The following AQR variants were observed in gnomAD, a reference collection of about 807,000 sequenced individuals.
AQR encodes the protein aquarius intron-binding spliceosomal factor, also known as RNA helicase aquarius.
In AQR, 61 loss-of-function variants were observed where a neutral mutation model predicts 180.5. The ratio of observed to expected loss-of-function variants is 0.34; its 90% CI spans 0.28 to 0.42. The LOEUF is 0.42. Ranked by LOEUF, AQR falls within the 10% of genes least tolerant of loss-of-function variation. AQR has a pLI of 1.00. For synonymous variants in AQR, 551 were observed against 588.8 expected (o/e 0.94, Z 0.93); for missense variants, 1,281 against 1,798.3 (o/e 0.71, Z 5.20).
At chr15:34,886,921 G>A (rs1453514533) in intron 24 of AQR, among the ~76,000 whole-genome samples, 11 of 151,860 alleles carry the variant, frequency 7.2e-5, no homozygotes, top group Non-Finnish European at 1.3e-4. Flanking sequence ...TTAGGAGATC[G>A]AGACCATCAT....
At chr15:34,903,024 AAG>A (rs1433648122) in intron 19 of AQR, among the ~76,000 whole-genome samples, 8 of 152,114 alleles carry the variant, frequency 5.3e-5, no homozygotes, top group Non-Finnish European at 7.4e-5. Flanking sequence ...ATGAGAAGGG[AAG>A]ATGCTACTTT....
chr15:34,892,280 G>A (rs1893161059), intron 23 of AQR, among the ~76,000 whole-genome samples: 1 of 152,072 alleles, frequency 6.6e-6, no homozygotes, highest in African/African-American at 2.4e-5. Context: ...ATGTAATACA[G>A]GTGTACATTT....
chr15:34,934,485 GA>G (rs1893916794), intron 10 of AQR, 85 bp downstream of exon 10: 2 of 837,064 alleles, frequency 2.4e-6, no homozygotes, highest in Non-Finnish European at 3.4e-6. Context: ...GAAAAGGAAA[GA>G]AAAAAATACT....
chr15:34,895,679 T>TA (rs1356872283), intron 22 of AQR, among the ~76,000 whole-genome samples: 2 of 152,044 alleles, frequency 1.3e-5, no homozygotes, highest in Non-Finnish European at 2.9e-5. Context: ...GTGAAGCACT[T>TA]ATCCATGAAG....
chr15:34,962,650 TC>T (rs2140509351), intron 2 of AQR, among the ~76,000 whole-genome samples: 1 of 151,672 alleles, frequency 6.6e-6, no homozygotes, highest in Non-Finnish European at 1.5e-5. Context: ...GCATCTGTAA[TC>T]CCAGCTACTC....
chr15:34,948,817 G>C (rs1894170673), intron 4 of AQR, among the ~76,000 whole-genome samples: 1 of 150,288 alleles, frequency 6.7e-6, no homozygotes, highest in Non-Finnish European at 1.5e-5. Context: ...AAAAAAACTT[G>C]GAATCCTCCA....
intron 5 of AQR, among the ~76,000 whole-genome samples, chr15:34,945,781 G>A (rs568170463): frequency 6.6e-6 from 1 of 152,240 alleles, no homozygotes; most frequent in African/African-American, 2.4e-5. Context: ...ACAGATGACA[G>A]GCATCCATTC....
chr15:34,953,613 T>C (rs954394267), intron 3 of AQR, among the ~76,000 whole-genome samples: 10 of 152,364 alleles, frequency 6.6e-5, no homozygotes, highest in African/African-American at 1.7e-4. Flanking sequence ...GTTTTTACTA[T>C]GCAAAAGACA....
At chr15:34,881,478 G>A (rs1892972874) in intron 27 of AQR, among the ~76,000 whole-genome samples, 1 of 152,184 alleles carries the variant, frequency 6.6e-6, no homozygotes, top group African/African-American at 2.4e-5. Context: ...CAAACCAGTT[G>A]CAGGAAAGTT....
At chr15:34,894,957 G>C (rs1237076702) in intron 22 of AQR, among the ~76,000 whole-genome samples, 1 of 151,004 alleles carries the variant, frequency 6.6e-6, no homozygotes, top group African/African-American at 2.4e-5. Context: ...TTGAGGCCAG[G>C]AGTTCAAGAC....
At chr15:34,871,684 G>T (rs75430700) in intron 30 of AQR, among the ~76,000 whole-genome samples, 4,295 of 151,950 alleles carry the variant, frequency 0.028, 200 homozygotes, top group African/African-American at 0.094. Context: ...CCTTCCTCAT[G>T]TTTCTTAATG....
intron 23 of AQR, among the ~76,000 whole-genome samples, chr15:34,892,831 T>C (rs188755508): frequency 6.6e-6 from 1 of 152,342 alleles, no homozygotes; most frequent in African/African-American, 2.4e-5. Flanking sequence ...ATTTATTGAA[T>C]AGCGAAATAA....
intron 34 of AQR, among the ~76,000 whole-genome samples, 191 bp from the exon 35 acceptor site, chr15:34,857,297 T>G (rs1237166163): frequency 6.6e-6 from 1 of 152,226 alleles, no homozygotes; most frequent in African/African-American, 2.4e-5. Flanking sequence ...TGTCATATAC[T>G]GATAATCAAA....
At chr15:34,957,938 A>G (rs1221551702) in intron 3 of AQR, among the ~76,000 whole-genome samples, 1 of 151,408 alleles carries the variant, frequency 6.6e-6, no homozygotes, top group African/African-American at 2.4e-5. Flanking sequence ...GGCCGGGCGC[A>G]GTGGCTCACG....
At position 34,897,628 on chromosome 15, in the gene AQR, G is replaced by C. The variant is rs1191604774; in HGVS notation, c.2321C>G (p.Ala774Gly). The C allele has an allele frequency of 6.2e-7, 1 of 1,614,062 alleles. No homozygotes were observed. Among genetic ancestry groups the C allele is most frequent in the East Asian group, 2.2e-5 (1 of 44,856 alleles). Residue 774 changes from alanine (A) to glycine (G), a missense_variant, in exon 21 of 35, where the codon GCA (alanine) becomes GGA (glycine). Physicochemically the swap from Ala to Gly is moderately conservative, Grantham distance 60 (BLOSUM62 0). Coordinates refer to ENST00000156471, the MANE Select transcript of AQR (RefSeq NM_014691.3). The stretch of plus-strand genomic sequence containing the variant: ...ATGGGGCTCAACAATTAAGGTTTTT[G>C]CTTCCTCGGTGTCTTCATCTTCCAC... ...ADVEDEDTEEAKTLIVEPHVI... is the reference protein window; with the variant it reads ...ADVEDEDTEEGKTLIVEPHVI...
chr15:34,930,975 T>C (rs1893849505), intron 11 of AQR, among the ~76,000 whole-genome samples: 2 of 151,986 alleles, frequency 1.3e-5, no homozygotes, highest in Non-Finnish European at 2.9e-5. Context: ...TAGCTGGGAC[T>C]ACAGGCGCCC....
At chr15:34,863,979 C>A (rs547203465) in intron 32 of AQR, among the ~76,000 whole-genome samples, 61 of 152,084 alleles carry the variant, frequency 4.0e-4, no homozygotes, top group Non-Finnish European at 6.9e-4. Flanking sequence ...AATAATAAAG[C>A]CTGGGAGAAT....
intron 13 of AQR, among the ~76,000 whole-genome samples, chr15:34,923,779 T>G (rs1210492688): frequency 6.6e-6 from 1 of 152,218 alleles, no homozygotes; most frequent in East Asian, 1.9e-4. Flanking sequence ...CATTGATCTA[T>G]ACATCTATCC....
chr15:34,920,620 C>G (rs111333070), intron 13 of AQR, among the ~76,000 whole-genome samples, 186 bp from the exon 14 acceptor site: 83 of 152,288 alleles, frequency 5.5e-4, no homozygotes, highest in African/African-American at 1.6e-3. Flanking sequence ...GCAAACCTCT[C>G]ATTGTACCCA....
Sources: allele counts gnomAD v4.1 joint callset (sites outside exome capture counted in the v4.1 genomes callset), GRCh38; gene constraint gnomAD v4.1.1; transcripts MANE v1.5; gene names NCBI Gene and HGNC (gene_info 2026-07-23, HGNC 2026-07-21).